The following PDCD5 variants were observed in gnomAD, a reference collection of about 807,000 sequenced individuals.
PDCD5 encodes the protein programmed cell death protein 5.
In PDCD5, 23 loss-of-function variants were observed where a neutral mutation model predicts 21.9. The observed-to-expected ratio is 1.05, with a 90% CI of 0.76 to 1.49. The LOEUF (loss-of-function observed/expected upper bound fraction) is 1.49, where lower values mean the gene tolerates loss of function less well. Ranked by LOEUF, PDCD5 falls within the 40% of genes most tolerant of loss-of-function variation. PDCD5 has a pLI of 0.00. For synonymous variants in PDCD5, 45 were observed against 49.4 expected (o/e 0.91, Z 0.37); for missense variants, 152 against 147.7 (o/e 1.03, Z -0.15).
chr19:32,586,365 C>T (rs1034279685), intron 4 of PDCD5: 10 of 1,225,480 alleles, frequency 8.2e-6, no homozygotes, highest in Non-Finnish European at 9.2e-6. Context: ...CCTGAGAAGC[C>T]GTCTGCTACC....
Position 32,587,378 on chromosome 19 carries a change from A to C in PDCD5, c.*78A>C. 1 of 972,086 alleles carries C rather than the reference A, an allele frequency of 1.0e-6. No homozygotes were observed. The highest frequency in any genetic ancestry group is 1.6e-6 in the Non-Finnish European group (1 of 623,054). 60.2% of individuals were successfully genotyped at this position (972,086 alleles called of 1,614,324 possible). ...TAAGATCTGATTATTTACTTTGTTTATTGTCTATATGCCTTTTAAAAAAAT... is the reference window on the plus strand; with the variant it reads ...TAAGATCTGATTATTTACTTTGTTTCTTGTCTATATGCCTTTTAAAAAAAT... On this transcript the variant is annotated 3_prime_UTR_variant, in exon 6 of 6. Transcript: ENST00000590247.
intron 2 of PDCD5, among the ~76,000 whole-genome samples, chr19:32,583,608 A>C (rs1971450122): frequency 6.6e-6 from 1 of 151,694 alleles, no homozygotes; most frequent in Non-Finnish European, 1.5e-5. Flanking sequence ...TCATTTTTAG[A>C]GATACGTAAA....
At position 32,582,305 on chromosome 19, in the gene PDCD5, A is replaced by G. The variant is rs1971436327; in HGVS notation, c.104+73A>G. On this transcript the variant is annotated intron_variant, in intron 2 of 5. Coordinates refer to ENST00000590247, the MANE Select transcript of PDCD5 (RefSeq NM_004708.4). Reference sequence around the variant, plus strand: ...GATTTCTTTTGCTGTAGTTATTTTAAGCAGGTGTGTGACTCAGATTTTTTT... The same window carrying G: ...GATTTCTTTTGCTGTAGTTATTTTAGGCAGGTGTGTGACTCAGATTTTTTT... 2.2e-6 allele frequency: 3 copies of G among 1,344,124 alleles called. No individual in the cohort carries two copies. The East Asian group carries it at 6.9e-5, about 31-fold the overall frequency. The allele number at this position is 1,344,124 out of a possible 1,614,324, so 83.3% of individuals were successfully genotyped here.
chr19:32,585,616 T>G (rs1971468411), intron 3 of PDCD5, among the ~76,000 whole-genome samples, 200 bp from the exon 4 acceptor site: 1 of 152,166 alleles, frequency 6.6e-6, no homozygotes, highest in Non-Finnish European at 1.5e-5. Flanking sequence ...GCTGGGCCAC[T>G]ACCCCCATGT....
intron 1 of PDCD5, chr19:32,581,530 G>C: frequency 2.7e-6 from 1 of 371,132 alleles, no homozygotes; most frequent in Non-Finnish European, 4.8e-6. Context: ...GGCGGCGGGG[G>C]CCGCCACGTG....
intron 4 of PDCD5, 48 bp from the exon 5 acceptor site, chr19:32,586,810 C>T: frequency 1.3e-6 from 2 of 1,583,252 alleles, no homozygotes; most frequent in Non-Finnish European, 1.7e-6. Flanking sequence ...GAGGTAAATT[C>T]TTTGTTTAAA....
chr19:32,581,403 G>C (rs1971423868), intron 1 of PDCD5, 76 bp downstream of exon 1: 4 of 1,047,980 alleles, frequency 3.8e-6, no homozygotes, highest in Admixed American at 3.9e-5. Flanking sequence ...CGCGCCTCCG[G>C]GGCGGAGGCT....
chr19:32,581,217 G>C lies in PDCD5; in HGVS notation c.-45G>C, dbSNP rs894607527. 1.4e-6 allele frequency: 2 copies of C among 1,404,958 alleles called. No individual in the cohort carries two copies. Among genetic ancestry groups the C allele is most frequent in the South Asian group, 1.4e-5 (1 of 72,990 alleles). 87.0% of individuals were successfully genotyped at this position (1,404,958 alleles called of 1,614,324 possible). On this transcript the variant is annotated 5_prime_UTR_variant, in exon 1 of 6. Transcript: ENST00000590247. ...TGGTCAAGGCCGCGCTCGCGCCGAG[G>C]GGCTGCGAGAGTGACCGCGGCTGCT... is the stretch of plus-strand genomic sequence containing the variant.
rs1340372783 is a variant in PDCD5, at chr19:32,585,902, G to A, written c.253G>A (p.Glu85Lys). ...IQMARYGQLS[E>K]KVSEQGLIEI... ...GATGGCAAGATATGGACAACTAAGTGAGAAGGTAAGCTTAGACAGCCTTGA... is the reference window on the plus strand; with the variant it reads ...GATGGCAAGATATGGACAACTAAGTAAGAAGGTAAGCTTAGACAGCCTTGA... The change falls in exon 4 of 6, where the codon GAG becomes AAG. Residue 85 changes from glutamate to lysine, a missense_variant. Transcript: ENST00000590247. 6.2e-7 allele frequency: 1 copy of A among 1,612,338 alleles called. No individual in the cohort carries two copies. Among genetic ancestry groups the A allele is most frequent in the Non-Finnish European group, 8.5e-7 (1 of 1,178,470 alleles).
intron 1 of PDCD5, 61 bp from the exon 2 acceptor site, chr19:32,582,134 T>C: frequency 1.7e-6 from 2 of 1,184,984 alleles, no homozygotes; most frequent in South Asian, 1.3e-5. Flanking sequence ...AACAGAACCG[T>C]TCCTTTTTCC....
chr19:32,584,753 T>C (rs1267184127), intron 2 of PDCD5, 197 bp from the exon 3 acceptor site: 1 of 595,536 alleles, frequency 1.7e-6, no homozygotes, highest in Non-Finnish European at 3.0e-6. Context: ...CTGTGTAATA[T>C]AAAGCTGGTT....
rs115198221 is a variant in PDCD5, at chr19:32,585,336, G to A, written c.166+325G>A. Among the ~76,000 whole-genome samples the A allele has an allele frequency of 9.8e-3, 1,499 of 152,188 alleles. 18 individuals carry two copies. The highest frequency in any genetic ancestry group is 0.033 in the African/African-American group (1,389 of 41,514). ...TGGGGACTGGGGATGGGGGACTTAG[G>A]GGCTTTTTATATGTATTGTCAGTTT... On this transcript the variant is annotated intron_variant, in intron 3 of 5. Coordinates refer to ENST00000590247, the MANE Select transcript of PDCD5 (RefSeq NM_004708.4).
intron 1 of PDCD5, chr19:32,581,540 G>T: frequency 2.7e-6 from 1 of 369,248 alleles, no homozygotes; most frequent in Non-Finnish European, 4.8e-6. Flanking sequence ...GCCGCCACGT[G>T]CGGGACCTGC....
chr19:32,581,913 C>T (rs1042110674), intron 1 of PDCD5, among the ~76,000 whole-genome samples: 1 of 152,146 alleles, frequency 6.6e-6, no homozygotes, highest in Non-Finnish European at 1.5e-5. Flanking sequence ...TTTTATTTTC[C>T]AGAAATTATT....
chr19:32,583,075 CT>C (rs1447726738), intron 2 of PDCD5, among the ~76,000 whole-genome samples: 1 of 152,168 alleles, frequency 6.6e-6, no homozygotes, highest in Non-Finnish European at 1.5e-5. Context: ...GCCCCAGATT[CT>C]TCCAGAGGGG....
chr19:32,587,440 G>A lies in PDCD5; in HGVS notation c.*140G>A, dbSNP rs1292718787. ...GCAAAATAAAACATTTGGGTAAGTT[G>A]TTTTAGTATCATAGCCAAGTGGCCA... On this transcript the variant is annotated 3_prime_UTR_variant, in exon 6 of 6. Transcript: ENST00000590247. 3.6e-6 allele frequency: 2 copies of A among 548,638 alleles called. No individual in the cohort carries two copies. The highest frequency in any genetic ancestry group is 6.2e-6 in the Non-Finnish European group (2 of 320,222). 34.0% of individuals were successfully genotyped at this position (548,638 alleles called of 1,614,324 possible).
At chr19:32,584,886 G>A (rs932326816) in intron 2 of PDCD5, 64 bp from the exon 3 acceptor site, 32 of 1,328,850 alleles carry the variant, frequency 2.4e-5, no homozygotes, top group Middle Eastern at 1.8e-4. Context: ...GTTCTTTCTC[G>A]TATGTTACAT....
In PDCD5 at chr19:32,587,101, T is replaced by C. The variant is rs1007409365; in HGVS notation, c.331-152T>C. The stretch of plus-strand genomic sequence containing the variant: ...TGTTGGGGGAGGGTTCTAATTTTTA[T>C]AGGCTCTTGACTCCATTCCCACCCT... On this transcript the variant is annotated intron_variant, in intron 5 of 5. Transcript: ENST00000590247. The C allele has an allele frequency of 7.6e-6, 6 of 791,194 alleles. No individual in the cohort carries two copies. The South Asian group carries it at 9.0e-5, about 12-fold the overall frequency. The allele number at this position is 791,194 out of a possible 1,614,324, so 49.0% of individuals were successfully genotyped here.
chr19:32,586,464 T>A, intron 4 of PDCD5: 3 of 1,105,442 alleles, frequency 2.7e-6, no homozygotes, highest in Non-Finnish European at 3.3e-6. Context: ...GTTGATCTTT[T>A]CCGAGTGTGA....
Sources: allele counts gnomAD v4.1 joint callset (sites outside exome capture counted in the v4.1 genomes callset), GRCh38; gene constraint gnomAD v4.1.1; transcripts MANE v1.5; gene names NCBI Gene and HGNC (gene_info 2026-07-23, HGNC 2026-07-21).